The following RNF44 variants were observed in gnomAD, a reference collection of about 807,000 sequenced individuals.
RNF44 encodes ring finger protein 44.
In RNF44, 25 loss-of-function variants were observed where a neutral mutation model predicts 53.6. That is an observed-to-expected ratio of 0.47 (90% CI 0.34 to 0.65). RNF44 has a LOEUF of 0.65. Ranked by LOEUF, RNF44 falls within the 30% of genes least tolerant of loss-of-function variation. RNF44 has a pLI of 0.01. For synonymous variants in RNF44, 282 were observed against 252.2 expected, an observed-to-expected ratio of 1.12 and a Z score of -1.12; for missense variants, 581 against 595.5, an observed-to-expected ratio of 0.98 and a Z score of 0.25.
At position 176,528,762 on chromosome 5, in the gene RNF44, C is replaced by G; in HGVS notation, c.*266G>C. ...GGAAAAGGAGGGACCTGAGGGTGCA[C>G]AGGAGGGAGACCCGATCAGGGACAC... On this transcript the variant is annotated 3_prime_UTR_variant, in exon 11 of 11. Coordinates refer to ENST00000274811, the MANE Select transcript of RNF44 (RefSeq NM_014901.5). 1.8e-6 allele frequency: 1 copy of G among 553,094 alleles called. No homozygotes were observed. The highest frequency in any genetic ancestry group is 3.2e-6 in the Non-Finnish European group (1 of 310,918). The allele number at this position is 553,094 out of a possible 1,614,324, so 34.3% of individuals were successfully genotyped here. A position where few individuals can be genotyped will look rare whatever the true frequency, so the allele number is the denominator to read the frequency against.
rs1380063926 is a variant in RNF44 at position 176,537,018 on chromosome 5, G to A, written c.-123C>T. On this transcript the variant is annotated 5_prime_UTR_variant, in exon 1 of 11. Transcript: ENST00000274811. ...AACTGGGCAGGGGGCGGGGGAGGGG[G>A]GGGGTGCCTGTCTGGATCCTTTAAG... The A allele has an allele frequency of 6.6e-6, 1 of 151,610 alleles. No homozygotes were observed. The highest frequency in any genetic ancestry group is 1.5e-5 in the Non-Finnish European group (1 of 68,066). The allele number at this position is 151,610 out of a possible 1,614,324, so 9.4% of individuals were successfully genotyped here.
upstream of RNF44, among the ~76,000 whole-genome samples, chr5:176,539,565 G>C (rs922588783): frequency 1.3e-5 from 2 of 152,104 alleles, no homozygotes; most frequent in Non-Finnish European, 2.9e-5. Flanking sequence ...GCATGCACTT[G>C]TAGTCCCAGC....
upstream of RNF44, among the ~76,000 whole-genome samples, chr5:176,540,926 A>C (rs757298579): frequency 2.0e-5 from 3 of 152,202 alleles, no homozygotes; most frequent in Non-Finnish European, 4.4e-5. Flanking sequence ...TGAAATCTGA[A>C]CTTTTCTTCG....
Position 176,537,064 on chromosome 5 carries a change from ATG to A in RNF44, c.-171_-170del, listed in dbSNP as rs1757265646. 1 of 151,826 alleles carries A rather than the reference ATG, an allele frequency of 6.6e-6. No homozygotes were observed. The highest frequency in any genetic ancestry group is 2.4e-5 in the African/African-American group (1 of 41,300). The allele number at this position is 151,826 out of a possible 1,614,324, so 9.4% of individuals were successfully genotyped here. ...TTAAGAGCTCCCGCCCTGCGGAACA[ATG>A]TGCTCCCCTCCCCACCCCCGGGTCC... On this transcript the variant is annotated 5_prime_UTR_variant, in exon 1 of 11. Coordinates refer to ENST00000274811, the MANE Select transcript of RNF44 (RefSeq NM_014901.5).
chr5:176,532,850 C>T (rs999134585), intron 1 of RNF44, among the ~76,000 whole-genome samples: 5 of 151,960 alleles, frequency 3.3e-5, no homozygotes, highest in African/African-American at 1.2e-4. Flanking sequence ...AGTGTGACCC[C>T]AGGGACCAAT....
intron 1 of RNF44, chr5:176,536,359 G>A (rs1757169109): frequency 6.6e-6 from 1 of 152,358 alleles, no homozygotes. Flanking sequence ...GAGTCCAGAA[G>A]AAACCAGGTG....
Position 176,532,383 on chromosome 5 carries a change from CG to C in RNF44, c.89del (p.Pro30ArgfsTer38). On this transcript the variant is annotated frameshift_variant, in exon 2 of 11. Transcript: ENST00000274811. LOFTEE classifies it high-confidence loss of function. ...RRFSAGPGSTPGQLWGSPGLE... is the reference protein window; with the variant it reads ...RRFSAGPGSTXGQLWGSPGLE... Reference sequence around the variant, plus strand: ...CTTCCTACCTTCCCCAGAGCTGGCCCGGGGTGCTGCCAGGTCCCGCAGAGAA... The same window carrying C: ...CTTCCTACCTTCCCCAGAGCTGGCCCGGGTGCTGCCAGGTCCCGCAGAGAA... The C allele has an allele frequency of 6.3e-7, 1 of 1,596,324 alleles. No individual in the cohort carries two copies.
At position 176,530,669 on chromosome 5, in the gene RNF44, G is replaced by A. The variant is rs1251485557; in HGVS notation, c.714C>T (p.Thr238=). 1.9e-6 allele frequency: 3 copies of A among 1,539,594 alleles called. No homozygotes were observed. The highest frequency in any genetic ancestry group is 2.5e-5 in the East Asian group (1 of 39,672). The change falls in exon 6 of 11, where the codon ACC becomes ACT. Residue 238 remains threonine (T), a synonymous_variant. Transcript: ENST00000274811. ...QPSLGSFTYS[T]SAPGPALSPS... is the part of the protein sequence containing the mutation. ...GGGAAAGGGCTGGGCCAGGCGCAGAGGTGGAGTAGGTGAAGCTGCCCAGGG... is the reference window on the plus strand; with the variant it reads ...GGGAAAGGGCTGGGCCAGGCGCAGAAGTGGAGTAGGTGAAGCTGCCCAGGG...
chr5:176,529,417 C>A (rs772191864), intron 9 of RNF44, 30 bp from the exon 10 acceptor site: 1 of 1,604,444 alleles, frequency 6.2e-7, no homozygotes, highest in African/African-American at 1.3e-5. Flanking sequence ...GTCACCTCCA[C>A]GCTGAGGGCC....
At chr5:176,535,126 C>G (rs929353360) in intron 1 of RNF44, among the ~76,000 whole-genome samples, 3 of 152,222 alleles carry the variant, frequency 2.0e-5, no homozygotes, top group African/African-American at 7.2e-5. Context: ...CAGACTCACA[C>G]ATGACAGTGA....
At chr5:176,529,996 C>T (rs938604381) in intron 7 of RNF44, 86 bp downstream of exon 7, 7 of 1,468,078 alleles carry the variant, frequency 4.8e-6, no homozygotes, top group South Asian at 1.5e-5. Context: ...GGCCCTGGGG[C>T]CCCTGGAGCT....
In RNF44 at chr5:176,531,162, C is replaced by T. The variant is rs905180171; in HGVS notation, c.466-141G>A. 9.2e-6 allele frequency: 6 copies of T among 651,048 alleles called. No homozygotes were observed. In the African/African-American group the frequency reaches 1.1e-4, roughly 12 times the overall value. The allele number at this position is 651,048 out of a possible 1,614,324, so 40.3% of individuals were successfully genotyped here. A position where few individuals can be genotyped will look rare whatever the true frequency, so the allele number is the denominator to read the frequency against. On this transcript the variant is annotated intron_variant, in intron 4 of 10. Transcript: ENST00000274811. This position sits in a 1 kb window ranked among gnomAD's most constrained non-coding sequence, Gnocchi z 4.2. ...TGTATAAGAAACCCTGTGGAAGGCC[C>T]ATCCCTGTCCTAGGCCACCCAGGCA...
upstream of RNF44, among the ~76,000 whole-genome samples, chr5:176,540,443 A>G (rs992746713): frequency 3.9e-5 from 6 of 152,094 alleles, no homozygotes; most frequent in Non-Finnish European, 7.4e-5. Flanking sequence ...AATATCCCCT[A>G]CTTACTGGGC....
chr5:176,543,465 C>G, the RNF44 span: 12 of 151,986 alleles, frequency 7.9e-5, no homozygotes, highest in African/African-American at 2.2e-4. The surrounding 1 kb of genome is among the most constrained non-coding windows in gnomAD (Gnocchi z 4.0). Context: ...CCGCCCCGGC[C>G]CCGCGCGAAT....
At chr5:176,535,272 C>G (rs1561854177) in intron 1 of RNF44, among the ~76,000 whole-genome samples, 1 of 152,228 alleles carries the variant, frequency 6.6e-6, no homozygotes, top group Non-Finnish European at 1.5e-5. Flanking sequence ...AAGGCAACAG[C>G]AGAAGCAACT....
chr5:176,539,695 A>G (rs576782018), upstream of RNF44, among the ~76,000 whole-genome samples: 2 of 152,004 alleles, frequency 1.3e-5, no homozygotes, highest in Admixed American at 6.5e-5. Context: ...CTTAAAAAAA[A>G]AAAAACCCTC....
chr5:176,532,349 G>C lies in RNF44; in HGVS notation c.107+17C>G. 6.3e-7 allele frequency: 1 copy of C among 1,599,262 alleles called. No individual in the cohort carries two copies. Among genetic ancestry groups the C allele is most frequent in the East Asian group, 2.3e-5 (1 of 44,144 alleles). ...GCCCCCATGCCCCAGCACCAGGACT[G>C]GGAGGCTCCTTCCTACCTTCCCCAG... On this transcript the variant is annotated intron_variant, in intron 2 of 10. Coordinates refer to ENST00000274811, the MANE Select transcript of RNF44 (RefSeq NM_014901.5).
rs1756569410 is a variant in RNF44, at chr5:176,530,687, G to A, written c.696C>T (p.Gly232=). The A allele has an allele frequency of 6.5e-7, 1 of 1,548,256 alleles. No individual in the cohort carries two copies. Among genetic ancestry groups the A allele is most frequent in the Non-Finnish European group, 8.7e-7 (1 of 1,149,796 alleles). Residue 232 remains glycine, a synonymous_variant, in exon 6 of 11, where the codon GGC becomes GGT. Coordinates refer to ENST00000274811, the MANE Select transcript of RNF44 (RefSeq NM_014901.5). ...VDLRGDQPSL[G]SFTYSTSAPG... ...GCGCAGAGGTGGAGTAGGTGAAGCTGCCCAGGGAGGGCTGGTCCCCACGCA... is the reference window on the plus strand; with the variant it reads ...GCGCAGAGGTGGAGTAGGTGAAGCTACCCAGGGAGGGCTGGTCCCCACGCA...
At position 176,527,268 on chromosome 5, in the gene RNF44, C is replaced by T. The variant is rs1167696813; in HGVS notation, c.*1760G>A. Reference sequence around the variant, plus strand: ...GCAAGGTCGGCAGATCACAAACATCCTAAGTAATTGTTGTATAAATCTTGT... The same window carrying T: ...GCAAGGTCGGCAGATCACAAACATCTTAAGTAATTGTTGTATAAATCTTGT... On this transcript the variant is annotated 3_prime_UTR_variant, in exon 11 of 11. Transcript: ENST00000274811. 1 of 152,386 alleles carries T rather than the reference C, an allele frequency of 6.6e-6. No individual in the cohort carries two copies. The highest frequency in any genetic ancestry group is 1.5e-5 in the Non-Finnish European group (1 of 68,020). The allele number at this position is 152,386 out of a possible 1,614,324, so 9.4% of individuals were successfully genotyped here. A position where few individuals can be genotyped will look rare whatever the true frequency, so the allele number is the denominator to read the frequency against.
Sources: allele counts gnomAD v4.1 joint callset (sites outside exome capture counted in the v4.1 genomes callset), GRCh38; gene constraint gnomAD v4.1.1; non-coding constraint Gnocchi (gnomAD v3.1); transcripts MANE v1.5; gene names NCBI Gene and HGNC (gene_info 2026-07-23, HGNC 2026-07-21).